LEPR: variants seen among roughly 807,000 people sequenced by gnomAD.
LEPR encodes leptin receptor.
LEPR carries 56 observed loss-of-function variants against 114.7 expected under a neutral mutation model. The observed-to-expected ratio is 0.49, with a 90% CI of 0.39 to 0.61. The LOEUF (loss-of-function observed/expected upper bound fraction) is 0.61. LEPR is among the 20% of genes least tolerant of loss of function. The pLI, the probability that LEPR is intolerant of heterozygous loss-of-function variation, is 0.00. For synonymous variants in LEPR, 443 were observed against 461.4 expected, an observed-to-expected ratio of 0.96 and a Z score of 0.51; for missense variants, 1,202 against 1,352.9, an observed-to-expected ratio of 0.89 and a Z score of 1.75.
chr1:65,551,921 G>A (rs750427887), intron 2 of LEPR, among the ~76,000 whole-genome samples: 1 of 152,044 alleles, frequency 6.6e-6, no homozygotes, highest in Non-Finnish European at 1.5e-5. Flanking sequence ...GTTCTCACTG[G>A]TTTCAAAGAA....
intron 2 of LEPR, among the ~76,000 whole-genome samples, chr1:65,558,312 A>G (rs550122078): frequency 1.3e-5 from 2 of 152,302 alleles, no homozygotes; most frequent in Admixed American, 1.3e-4. Context: ...AAAAATTCTG[A>G]TGACAAACTT....
intron 2 of LEPR, among the ~76,000 whole-genome samples, chr1:65,448,755 T>C (rs1016332674): frequency 2.0e-4 from 31 of 152,232 alleles, no homozygotes; most frequent in African/African-American, 7.0e-4. Context: ...TGGCAGATTA[T>C]GTCTTTCAAA....
intron 2 of LEPR, among the ~76,000 whole-genome samples, chr1:65,467,262 T>C (rs1227981816): frequency 6.6e-6 from 1 of 152,182 alleles, no homozygotes; most frequent in Non-Finnish European, 1.5e-5. Context: ...TTTCTGTTTG[T>C]TAGTTTTGCT....
At chr1:65,482,987 C>CAAA (rs1190386900) in intron 2 of LEPR, among the ~76,000 whole-genome samples, 1 of 63,096 alleles carries the variant, frequency 1.6e-5, no homozygotes, top group African/African-American at 5.5e-5. Context: ...GACTCTGTCT[C>CAAA]AAAAAAAAAA....
At chr1:65,634,423 G>C in intron 19 of LEPR, 21 of 969,810 alleles carry the variant, frequency 2.2e-5, no homozygotes, top group Non-Finnish European at 2.5e-5. Context: ...TTTAATATGT[G>C]CCCAGATTAT....
rs138558094 is a variant in LEPR, at chr1:65,466,150, A to G, written c.-21+40772A>G. 1.5e-3 allele frequency among the ~76,000 whole-genome samples: 226 copies of G among 152,214 alleles called. 1 individual carries two copies. The highest frequency in any genetic ancestry group is 5.3e-3 in the African/African-American group (221 of 41,542). ...GGTCTTTACCATTTGGCATGTTTTC[A>G]TAGTGGCTGGTACCGGTTGTTCCAT... On this transcript the variant is annotated intron_variant, in intron 2 of 19. Transcript: ENST00000349533.
chr1:65,554,771 C>G (rs1652693359), intron 2 of LEPR, among the ~76,000 whole-genome samples: 1 of 151,996 alleles, frequency 6.6e-6, no homozygotes, highest in South Asian at 2.1e-4. Context: ...AAAAAAAACT[C>G]CTGCAACTAG....
intron 2 of LEPR, among the ~76,000 whole-genome samples, chr1:65,471,752 T>C (rs1458441235): frequency 6.6e-6 from 1 of 152,100 alleles, no homozygotes; most frequent in Non-Finnish European, 1.5e-5. Flanking sequence ...GAGTAGAAAA[T>C]AGTCTGGTCA....
intron 2 of LEPR, among the ~76,000 whole-genome samples, chr1:65,555,916 G>T (rs1437755066): frequency 1.3e-5 from 2 of 152,094 alleles, no homozygotes; most frequent in Non-Finnish European, 2.9e-5. Context: ...CCGTCTTTTT[G>T]AATGACTGCT....
chr1:65,494,559 G>A (rs528955430), intron 2 of LEPR, among the ~76,000 whole-genome samples: 3 of 152,208 alleles, frequency 2.0e-5, no homozygotes, highest in South Asian at 2.1e-4. Context: ...TAAGGCAGTT[G>A]TCTGTATGAG....
intron 2 of LEPR, among the ~76,000 whole-genome samples, chr1:65,533,355 A>G (rs2100629927): frequency 6.6e-6 from 1 of 152,290 alleles, no homozygotes; most frequent in African/African-American, 2.4e-5. Context: ...AGCTGATTCT[A>G]AGATGTATAT....
chr1:65,496,815 T>A (rs556041406), intron 2 of LEPR, among the ~76,000 whole-genome samples: 8 of 152,206 alleles, frequency 5.3e-5, no homozygotes, highest in African/African-American at 1.7e-4. Flanking sequence ...GCAGTGTGAC[T>A]TGAGATGTAG....
intron 2 of LEPR, among the ~76,000 whole-genome samples, chr1:65,500,702 T>C (rs542959430): frequency 1.3e-5 from 2 of 152,280 alleles, no homozygotes; most frequent in South Asian, 2.1e-4. Flanking sequence ...ATTGACAACA[T>C]TATTTGTAAG....
intron 2 of LEPR, among the ~76,000 whole-genome samples, chr1:65,477,996 T>C (rs1647177452): frequency 6.6e-6 from 1 of 152,228 alleles, no homozygotes. Context: ...GGCTTCTTAG[T>C]ATTATTAATG....
At position 65,636,238 on chromosome 1, in the gene LEPR, A is replaced by G; in HGVS notation, c.2721A>G (p.Thr907=). Residue 907 remains threonine (T), a synonymous_variant, in exon 20 of 20, where the codon ACA becomes ACG. Coordinates refer to ENST00000349533, the MANE Select transcript of LEPR (RefSeq NM_002303.6). ...HLFIKHTASV[T]CGPLLLEPET... ...TTATCAAGCATACAGCATCAGTGAC[A>G]TGTGGTCCTCTTCTTTTGGAGCCTG... 6.2e-7 allele frequency: 1 copy of G among 1,613,986 alleles called. No individual in the cohort carries two copies. Among genetic ancestry groups the G allele is most frequent in the South Asian group, 1.1e-5 (1 of 91,076 alleles).
rs1284234824 is a variant in LEPR at position 65,488,222 on chromosome 1, C to CTTTCTTTCTTTCTTTCTTTCTT, written c.-21+62845_-21+62846insTTCTTTCTTTCTTTCTTTCTTT. On this transcript the variant is annotated intron_variant, in intron 2 of 19. Coordinates refer to ENST00000349533, the MANE Select transcript of LEPR (RefSeq NM_002303.6). ...TTTCTTTCTTTCTTTCTCTCTCTCT[C>CTTTCTTTCTTTCTTTCTTTCTT]TCTCTCTTTCTTTCTTTCTTTCTTT... 1.3e-3 allele frequency among the ~76,000 whole-genome samples: 95 copies of CTTTCTTTCTTTCTTTCTTTCTT among 70,710 alleles called. 2 individuals are homozygous for CTTTCTTTCTTTCTTTCTTTCTT. The highest frequency in any genetic ancestry group is 1.6e-3 in the Non-Finnish European group (66 of 40,440). 46.4% of individuals were successfully genotyped at this position (70,710 alleles called of 152,430 possible). A position where few individuals can be genotyped will look rare whatever the true frequency, so the allele number is the denominator to read the frequency against.
chr1:65,556,841 A>G (rs139288567), intron 2 of LEPR, among the ~76,000 whole-genome samples: 14 of 152,240 alleles, frequency 9.2e-5, no homozygotes, highest in African/African-American at 3.1e-4. Flanking sequence ...GACTTTTACT[A>G]CAAGTGACAG....
At chr1:65,631,388 G>A (rs192644868) in intron 19 of LEPR, among the ~76,000 whole-genome samples, 128 of 152,116 alleles carry the variant, frequency 8.4e-4, no homozygotes, top group Non-Finnish European at 5.3e-4. Flanking sequence ...CGCTGTATAC[G>A]GCAGGGCTAA....
chr1:65,444,456 C>T (rs760251531), intron 2 of LEPR, among the ~76,000 whole-genome samples: 1 of 152,038 alleles, frequency 6.6e-6, no homozygotes, highest in Non-Finnish European at 1.5e-5. Context: ...CTTCGAGTCT[C>T]GTAGTTTGTG....
Sources: gnomAD v4.1 joint callset for allele counts (sites outside exome capture counted in the v4.1 genomes callset) on GRCh38, gnomAD v4.1.1 for gene constraint, MANE v1.5 for transcripts, NCBI Gene and HGNC (gene_info 2026-07-23, HGNC 2026-07-21) for gene names.